RANBP2: variants seen among roughly 807,000 people sequenced by gnomAD.
The protein encoded by RANBP2 is E3 SUMO-protein ligase RanBP2.
In RANBP2, 57 loss-of-function variants were observed where a neutral mutation model predicts 303.6. That is an observed-to-expected ratio of 0.19 (90% CI 0.15 to 0.23). The LOEUF (loss-of-function observed/expected upper bound fraction) is 0.23, where lower values mean the gene tolerates loss of function less well. Ranked by LOEUF, RANBP2 falls within the 10% of genes least tolerant of loss-of-function variation. RANBP2 has a pLI of 1.00. For synonymous variants in RANBP2, 1,167 were observed against 1,301.5 expected, an observed-to-expected ratio of 0.90 and a Z score of 2.23; for missense variants, 3,138 against 3,780.8, an observed-to-expected ratio of 0.83 and a Z score of 4.46.
chr2:109,536,710 G>GGT, the RANBP2 span, among the ~76,000 whole-genome samples: 1 of 152,156 alleles, frequency 6.6e-6, no homozygotes, highest in Non-Finnish European at 1.5e-5. Context: ...GGAATGATAT[G>GGT]GTTTGGCTGT....
the RANBP2 span, among the ~76,000 whole-genome samples, chr2:109,252,559 A>G: frequency 2.0e-5 from 3 of 152,340 alleles, no homozygotes; most frequent in East Asian, 3.9e-4. Context: ...GGGATATTTC[A>G]GGCAAACTAG....
At chr2:109,622,230 C>T in the RANBP2 span, among the ~76,000 whole-genome samples, 7 of 152,144 alleles carry the variant, frequency 4.6e-5, no homozygotes, top group East Asian at 1.3e-3. Flanking sequence ...GCTACTTGCC[C>T]AAGGTCACAA....
chr2:109,274,886 C>T, the RANBP2 span, among the ~76,000 whole-genome samples: 1 of 144,048 alleles, frequency 6.9e-6, no homozygotes, highest in Non-Finnish European at 1.5e-5. Flanking sequence ...TAAAAATGTT[C>T]TAGATAGAGG....
chr2:108,932,286 T>TCC, the RANBP2 span, among the ~76,000 whole-genome samples: 1 of 151,862 alleles, frequency 6.6e-6, no homozygotes, highest in South Asian at 2.1e-4. Context: ...CCCAGCACTT[T>TCC]GGGAGGCTGA....
At chr2:109,078,098 A>ATATATATATATATAGCG in the RANBP2 span, among the ~76,000 whole-genome samples, 4 of 60,056 alleles carry the variant, frequency 6.7e-5, no homozygotes, top group African/African-American at 3.4e-4. Flanking sequence ...ATATATATAT[A>ATATATATATATATAGCG]TATATATATA....
chr2:109,061,301 G>A, the RANBP2 span, among the ~76,000 whole-genome samples: 6 of 152,210 alleles, frequency 3.9e-5, no homozygotes, highest in East Asian at 1.2e-3. Context: ...CAACATTTCT[G>A]GGAAATTTTA....
At chr2:109,324,821 A>G in the RANBP2 span, among the ~76,000 whole-genome samples, 8 of 152,216 alleles carry the variant, frequency 5.3e-5, no homozygotes, top group African/African-American at 1.9e-4. Flanking sequence ...CTCCAAGGAC[A>G]GTACTCTCCG....
chr2:109,730,123 G>A, the RANBP2 span, among the ~76,000 whole-genome samples: 1 of 152,170 alleles, frequency 6.6e-6, no homozygotes, highest in East Asian at 1.9e-4. Context: ...AGAGATTTGG[G>A]TGGGGACACA....
At chr2:108,748,374 ATTTTTT>A (rs34247750) in intron 8 of RANBP2, among the ~76,000 whole-genome samples, 4 of 130,752 alleles carry the variant, frequency 3.1e-5, no homozygotes, top group African/African-American at 5.8e-5. Flanking sequence ...GGGCCGGCTA[ATTTTTT>A]TTTTTTTTTT....
chr2:109,524,168 C>T, the RANBP2 span, among the ~76,000 whole-genome samples: 2 of 152,196 alleles, frequency 1.3e-5, no homozygotes, highest in African/African-American at 4.8e-5. Flanking sequence ...GACACTCCCT[C>T]CATTGCACAA....
the RANBP2 span, among the ~76,000 whole-genome samples, chr2:109,196,043 A>G: frequency 6.6e-6 from 1 of 152,220 alleles, no homozygotes; most frequent in East Asian, 1.9e-4. Flanking sequence ...CAAAGTGGGA[A>G]TCCAGGTGAT....
At chr2:108,788,848 A>G (rs1679416695), downstream of RANBP2, 3 of 1,613,864 alleles carry the variant, frequency 1.9e-6, no homozygotes, top group South Asian at 3.3e-5. Flanking sequence ...TTTGTCGTTG[A>G]CAGGTGATTT....
chr2:108,950,046 G>A, the RANBP2 span, among the ~76,000 whole-genome samples: 1 of 152,194 alleles, frequency 6.6e-6, no homozygotes, highest in South Asian at 2.1e-4. Context: ...GTGCGGCCTG[G>A]GCATGGTGCC....
the RANBP2 span, among the ~76,000 whole-genome samples, chr2:109,622,363 G>T: frequency 6.6e-6 from 1 of 152,204 alleles, no homozygotes; most frequent in Admixed American, 6.6e-5. Flanking sequence ...CTGGCCTGAA[G>T]TTTATGGGGC....
the RANBP2 span, among the ~76,000 whole-genome samples, chr2:109,345,643 A>T: frequency 6.6e-6 from 1 of 152,244 alleles, no homozygotes; most frequent in Non-Finnish European, 1.5e-5. Flanking sequence ...CTTGATGGAT[A>T]TCTAAGTGTC....
the RANBP2 span, among the ~76,000 whole-genome samples, chr2:109,658,245 A>C: frequency 6.6e-6 from 1 of 151,132 alleles, no homozygotes; most frequent in Non-Finnish European, 1.5e-5. Flanking sequence ...CAGGAATTCG[A>C]GACCAGCCTG....
Position 108,783,656 on chromosome 2 carries a change from G to A in RANBP2, c.9430G>A (p.Glu3144Lys). The change falls in exon 29 of 29, where the codon GAA becomes AAA. Residue 3144 changes from glutamate (E) to lysine (K), a missense_variant. Glu to Lys is a moderately conservative substitution (Grantham distance 56). Transcript: ENST00000283195. ...GGQSIYGDKF[E>K]DENFDVKHTG... Reference sequence around the variant, plus strand: ...ACAGTCCATTTATGGAGACAAATTTGAAGATGAAAATTTTGATGTGAAACA... The same window carrying A: ...ACAGTCCATTTATGGAGACAAATTTAAAGATGAAAATTTTGATGTGAAACA... 6 of 1,611,946 alleles carry A rather than the reference G, an allele frequency of 3.7e-6. No individual in the cohort carries two copies. The highest frequency in any genetic ancestry group is 5.1e-6 in the Non-Finnish European group (6 of 1,178,084).
the RANBP2 span, among the ~76,000 whole-genome samples, chr2:109,095,475 G>T: frequency 6.6e-6 from 1 of 152,220 alleles, no homozygotes. Context: ...ACCTAAAAGA[G>T]TAGTGGGACA....
At chr2:109,476,378 C>A in the RANBP2 span, among the ~76,000 whole-genome samples, 1 of 152,110 alleles carries the variant, frequency 6.6e-6, no homozygotes, top group Non-Finnish European at 1.5e-5. Flanking sequence ...CTGGGTAGCC[C>A]CTGGGTGAGG....
Sources: gnomAD v4.1 joint callset for allele counts (sites outside exome capture counted in the v4.1 genomes callset) on GRCh38, gnomAD v4.1.1 for gene constraint, MANE v1.5 for transcripts, NCBI Gene and HGNC (gene_info 2026-07-23, HGNC 2026-07-21) for gene names.